SETDB2: variants seen among roughly 807,000 people sequenced by gnomAD.
SETDB2 encodes the protein histone-lysine N-methyltransferase SETDB2.
A neutral mutation model predicts 82.5 loss-of-function variants in SETDB2; 56 were observed. The observed-to-expected ratio is 0.68, with a 90% CI of 0.55 to 0.85. The LOEUF is 0.85. Among genes scored for constraint, SETDB2 ranks in the 40% least tolerant of loss-of-function variants. The pLI is 0.00. For missense variants in SETDB2, 677 were observed against 816.4 expected (o/e 0.83, Z 2.08); for synonymous variants, 272 against 284.9 (o/e 0.95, Z 0.46).
chr13:49,453,010 T>C (rs1044693977), intron 2 of SETDB2, among the ~76,000 whole-genome samples: 45 of 152,124 alleles, frequency 3.0e-4, no homozygotes, highest in African/African-American at 8.0e-4. Flanking sequence ...TGCTATACTC[T>C]TCGGAAATAA....
chr13:49,476,785 ATT>A lies in SETDB2; in HGVS notation c.617_618del (p.Phe206TyrfsTer3). The A allele has an allele frequency of 1.2e-6, 2 of 1,613,488 alleles. No individual in the cohort carries two copies. The highest frequency in any genetic ancestry group is 1.7e-6 in the Non-Finnish European group (2 of 1,179,604). On this transcript the variant is annotated frameshift_variant, in exon 6 of 14. Transcript: ENST00000611815. LOFTEE classifies it high-confidence loss of function. The stretch of plus-strand genomic sequence containing the variant: ...TGCTTGAGACAGAGTGTAACTTTTT[ATT>A]TACAGATAACTTTTCTTTCAATACC... ...YLLETECNFL[F>X]TDNFSFNTYV...
At position 49,491,090 on chromosome 13, in the gene SETDB2, T is replaced by TA. The variant is rs761702036; in HGVS notation, c.2006+188dup. ...CCACATGGCGAAACCCTGTCTTTAC[T>TA]AAAAAAAATAGAAAAAGTTCACCAG... is the stretch of plus-strand genomic sequence containing the variant. On this transcript the variant is annotated intron_variant, in intron 13 of 13. Transcript: ENST00000611815. Among the ~76,000 whole-genome samples, 35 of 151,910 alleles carry TA rather than the reference T, an allele frequency of 2.3e-4. 1 individual carries two copies. In the East Asian group the frequency reaches 4.1e-3, roughly 18 times the overall value.
At chr13:49,482,063 A>G (rs1308758308) in intron 8 of SETDB2, 7 of 985,426 alleles carry the variant, frequency 7.1e-6, no homozygotes, top group Non-Finnish European at 7.2e-6. Context: ...CTAGACGTTC[A>G]TCTCTCATAC....
At chr13:49,461,053 CATAA>C (rs1325574080) in intron 3 of SETDB2, 40 bp from the exon 4 acceptor site, 1 of 1,449,158 alleles carries the variant, frequency 6.9e-7, no homozygotes, top group East Asian at 2.3e-5. Context: ...TAGCTGGCAC[CATAA>C]ATAAAGGTAA....
At chr13:49,481,946 C>A in intron 8 of SETDB2, 1 of 490,140 alleles carries the variant, frequency 2.0e-6, no homozygotes, top group Non-Finnish European at 2.6e-6. Context: ...AAAGAAATAT[C>A]AGGTTCACAT....
chr13:49,479,324 G>T (rs546722004), intron 6 of SETDB2, among the ~76,000 whole-genome samples: 117 of 152,254 alleles, frequency 7.7e-4, no homozygotes, highest in African/African-American at 2.7e-3. Context: ...GGAAATATGG[G>T]TGTTTATTAT....
intron 3 of SETDB2, 130 bp from the exon 4 acceptor site, chr13:49,460,967 T>C: frequency 1.6e-6 from 1 of 607,022 alleles, no homozygotes. Flanking sequence ...TTGTCTCTAA[T>C]GCAGATAGTC....
chr13:49,454,629 T>C (rs1056301191), intron 2 of SETDB2, among the ~76,000 whole-genome samples: 11 of 152,332 alleles, frequency 7.2e-5, no homozygotes, highest in African/African-American at 2.4e-4. Context: ...CTTCATAGTC[T>C]GCATTCCTTA....
chr13:49,453,166 TC>T (rs1957814372), intron 2 of SETDB2, among the ~76,000 whole-genome samples: 1 of 152,216 alleles, frequency 6.6e-6, no homozygotes, highest in Non-Finnish European at 1.5e-5. Flanking sequence ...ATTCAGTTAA[TC>T]ATTTATATCA....
chr13:49,457,264 T>C (rs916600559), intron 2 of SETDB2, among the ~76,000 whole-genome samples: 2 of 149,896 alleles, frequency 1.3e-5, no homozygotes, highest in African/African-American at 4.9e-5. Context: ...ATTAATCGGT[T>C]CCAAGATTGA....
chr13:49,446,878 T>C (rs1187328166), intron 1 of SETDB2, among the ~76,000 whole-genome samples: 1 of 152,222 alleles, frequency 6.6e-6, no homozygotes, highest in African/African-American at 2.4e-5. Flanking sequence ...CTCTAGGATA[T>C]ATACCTAAAA....
Position 49,485,761 on chromosome 13 carries a change from GC to G in SETDB2, c.1576+40del. On this transcript the variant is annotated intron_variant, in intron 11 of 13. Coordinates refer to ENST00000611815, the MANE Select transcript of SETDB2 (RefSeq NM_001160308.3). ...TCTTCTGTGAATGCCTACCTCTTCT[GC>G]CTGTTTCTCTGTCTCTTGCTCAATA... 2.7e-6 allele frequency: 4 copies of G among 1,494,976 alleles called. No individual in the cohort carries two copies. In the East Asian group the frequency reaches 9.0e-5, roughly 34 times the overall value. 92.6% of individuals were successfully genotyped at this position (1,494,976 alleles called of 1,614,324 possible).
intron 4 of SETDB2, among the ~76,000 whole-genome samples, chr13:49,464,680 G>A (rs1389580681): frequency 6.6e-6 from 1 of 152,192 alleles, no homozygotes; most frequent in Non-Finnish European, 1.5e-5. Context: ...TTATTTGCTA[G>A]CAGTGAAGTG....
chr13:49,456,239 G>A (rs902276694), intron 2 of SETDB2, among the ~76,000 whole-genome samples: 2 of 152,026 alleles, frequency 1.3e-5, no homozygotes, highest in South Asian at 4.1e-4. Flanking sequence ...TGTGTACTGA[G>A]GTCATTATTA....
chr13:49,485,900 C>G, intron 11 of SETDB2, 177 bp downstream of exon 11: 1 of 741,982 alleles, frequency 1.3e-6, no homozygotes, highest in African/African-American at 1.7e-5. Flanking sequence ...AAATCTGGCC[C>G]TCTACCTGTT....
chr13:49,460,813 C>CA (rs1169272865), intron 3 of SETDB2, among the ~76,000 whole-genome samples: 4 of 151,770 alleles, frequency 2.6e-5, no homozygotes, highest in Admixed American at 2.0e-4. Flanking sequence ...ATGTGTTTAT[C>CA]AAAAAAAATT....
chr13:49,454,949 CTG>C (rs1367092218), intron 2 of SETDB2, among the ~76,000 whole-genome samples: 1 of 151,932 alleles, frequency 6.6e-6, no homozygotes, highest in Non-Finnish European at 1.5e-5. Context: ...TGGGTAACAT[CTG>C]TTGATACTTA....
chr13:49,465,072 T>TAA lies in SETDB2; in HGVS notation c.209-2779_209-2778dup, dbSNP rs11404262. ...CTAGGCAAGAGAGTGAGACCCTGTC[T>TAA]AAAAAAAAAAAAAAGTTTCACGCTA... is the stretch of plus-strand genomic sequence containing the variant. On this transcript the variant is annotated intron_variant, in intron 4 of 13. Transcript: ENST00000611815. Among the ~76,000 whole-genome samples, 208 of 142,238 alleles carry TAA rather than the reference T, an allele frequency of 1.5e-3. 1 individual carries two copies. Among genetic ancestry groups the TAA allele is most frequent in the African/African-American group, 4.1e-3 (158 of 38,140 alleles). 93.3% of individuals were successfully genotyped at this position (142,238 alleles called of 152,430 possible). A position where few individuals can be genotyped will look rare whatever the true frequency, so the allele number is the denominator to read the frequency against.
intron 1 of SETDB2, among the ~76,000 whole-genome samples, chr13:49,449,665 AAAG>A (rs1432588706): frequency 7.2e-5 from 11 of 152,300 alleles, no homozygotes; most frequent in South Asian, 4.1e-4. Flanking sequence ...AGGCCCCTGT[AAAG>A]AAGAAGTTAG....
Sources: gnomAD v4.1 joint callset for allele counts (sites outside exome capture counted in the v4.1 genomes callset) on GRCh38, gnomAD v4.1.1 for gene constraint, MANE v1.5 for transcripts, NCBI Gene and HGNC (gene_info 2026-07-23, HGNC 2026-07-21) for gene names.